COL25A1: variants seen among roughly 807,000 people sequenced by gnomAD.
COL25A1 encodes collagen type XXV alpha 1 chain, also known as collagen alpha-1(XXV) chain.
Under a neutral mutation model 128.4 loss-of-function variants are expected in COL25A1, and 103 were observed. That is an observed-to-expected ratio of 0.80 (90% CI 0.68 to 0.94). COL25A1 has a LOEUF of 0.94. Among genes scored for constraint, COL25A1 ranks in the 40% least tolerant of loss-of-function variants. COL25A1 has a pLI of 0.00. For missense variants in COL25A1, 745 were observed against 840.0 expected (o/e 0.89, Z 1.40); for synonymous variants, 279 against 277.2 (o/e 1.01, Z -0.06).
chr4:109,231,392 T>C (rs1779155784), intron 3 of COL25A1, among the ~76,000 whole-genome samples: 1 of 152,178 alleles, frequency 6.6e-6, no homozygotes, highest in African/African-American at 2.4e-5. Flanking sequence ...TTAGTTCAAC[T>C]TCCTCATTTT....
At position 108,883,249 on chromosome 4, in the gene COL25A1, G is replaced by A. The variant is rs76027490; in HGVS notation, c.1020+929C>T. On this transcript the variant is annotated intron_variant, in intron 19 of 37. Coordinates refer to ENST00000399132, the MANE Select transcript of COL25A1 (RefSeq NM_198721.4). ...TTACCATGTTGGCCAGGCTGGTTTC[G>A]AACTCCTGACCCAAATAATCCGCCC... is the stretch of plus-strand genomic sequence containing the variant. 2.6e-3 allele frequency among the ~76,000 whole-genome samples: 389 copies of A among 151,960 alleles called. 3 individuals are homozygous for A. The highest frequency in any genetic ancestry group is 8.9e-3 in the African/African-American group (369 of 41,424).
intron 3 of COL25A1, among the ~76,000 whole-genome samples, chr4:109,196,147 T>A (rs1488478935): frequency 3.3e-5 from 5 of 152,164 alleles, no homozygotes; most frequent in Admixed American, 3.3e-4. Flanking sequence ...ATGAGCCAAA[T>A]AAAGATAATG....
rs953433706 is a variant in COL25A1 at position 108,809,810 on chromosome 4, A to G, written c.*4117T>C. On this transcript the variant is annotated 3_prime_UTR_variant, in exon 38 of 38. Transcript: ENST00000399132. ...TAGCCTAAAACAATTTAGCATAATCATAATTGGTCAAGCTTGTTAATTCCA... is the reference window on the plus strand; with the variant it reads ...TAGCCTAAAACAATTTAGCATAATCGTAATTGGTCAAGCTTGTTAATTCCA... 10 of 152,006 alleles carry G rather than the reference A, an allele frequency of 6.6e-5. No individual in the cohort carries two copies. The highest frequency in any genetic ancestry group is 1.3e-4 in the Non-Finnish European group (9 of 67,894). 9.4% of individuals were successfully genotyped at this position (152,006 alleles called of 1,614,324 possible). A position where few individuals can be genotyped will look rare whatever the true frequency, so the allele number is the denominator to read the frequency against.
At chr4:109,106,654 T>C (rs1200135271) in intron 3 of COL25A1, among the ~76,000 whole-genome samples, 1 of 151,824 alleles carries the variant, frequency 6.6e-6, no homozygotes, top group East Asian at 1.9e-4. Context: ...GCAGAGAATA[T>C]TAGCTGTAAA....
intron 11 of COL25A1, among the ~76,000 whole-genome samples, chr4:108,930,133 G>A (rs1333760274): frequency 6.6e-6 from 1 of 152,036 alleles, no homozygotes; most frequent in Non-Finnish European, 1.5e-5. Flanking sequence ...GCATGTGTGA[G>A]GTTTCCTCAA....
chr4:109,110,160 A>G (rs911298404), intron 3 of COL25A1, among the ~76,000 whole-genome samples: 14 of 152,264 alleles, frequency 9.2e-5, no homozygotes, highest in Admixed American at 9.2e-4. Flanking sequence ...AAGAGCAAAT[A>G]TGGTTTCTTC....
At chr4:108,945,552 A>T (rs1748627756) in intron 8 of COL25A1, among the ~76,000 whole-genome samples, 1 of 147,082 alleles carries the variant, frequency 6.8e-6, no homozygotes, top group Non-Finnish European at 1.5e-5. Flanking sequence ...TTTGCATCTT[A>T]GAAAATTTGC....
chr4:108,972,074 A>C (rs1054870132), intron 8 of COL25A1, among the ~76,000 whole-genome samples: 14 of 152,314 alleles, frequency 9.2e-5, no homozygotes, highest in African/African-American at 3.1e-4. Flanking sequence ...GGAGTCAAAG[A>C]GTTAAAACTT....
chr4:108,972,958 C>T (rs184467605), intron 8 of COL25A1, among the ~76,000 whole-genome samples: 3 of 152,194 alleles, frequency 2.0e-5, no homozygotes, highest in Admixed American at 2.0e-4. Flanking sequence ...GCCAACACAC[C>T]TTTTTGAAAA....
rs116274777 is a variant in COL25A1 at position 109,228,701 on chromosome 4, C to T, written c.367+71882G>A. 2.7e-3 allele frequency among the ~76,000 whole-genome samples: 404 copies of T among 152,146 alleles called. 5 individuals carry two copies. Among genetic ancestry groups the T allele is most frequent in the African/African-American group, 9.1e-3 (376 of 41,514 alleles). On this transcript the variant is annotated intron_variant, in intron 3 of 37. Transcript: ENST00000399132. ...CAGAGCAGGCAAAAATGAATTTCAC[C>T]CAGGCTTTTCCTACAATATGAAAAC...
chr4:109,120,148 T>G (rs998839139), intron 3 of COL25A1, among the ~76,000 whole-genome samples: 1 of 152,022 alleles, frequency 6.6e-6, no homozygotes, highest in Non-Finnish European at 1.5e-5. Flanking sequence ...TAAAGAACAT[T>G]GACAAAAACC....
intron 6 of COL25A1, among the ~76,000 whole-genome samples, chr4:108,976,166 T>C (rs956912464): frequency 6.6e-6 from 1 of 152,214 alleles, no homozygotes; most frequent in African/African-American, 2.4e-5. Flanking sequence ...CATTTTAGTT[T>C]AGAAGCTATT....
At chr4:108,988,031 A>T (rs1753819707) in intron 6 of COL25A1, among the ~76,000 whole-genome samples, 1 of 152,210 alleles carries the variant, frequency 6.6e-6, no homozygotes, top group Admixed American at 6.5e-5. Flanking sequence ...AAAGAGGTAC[A>T]TGGGGAAACA....
At chr4:109,093,465 A>AAAAC in intron 3 of COL25A1, among the ~76,000 whole-genome samples, 1 of 133,858 alleles carries the variant, frequency 7.5e-6, no homozygotes, top group South Asian at 2.6e-4. Flanking sequence ...ATGAAAAAAA[A>AAAAC]AAAAAAAAAA....
chr4:109,107,503 C>T (rs1766557778), intron 3 of COL25A1, among the ~76,000 whole-genome samples: 1 of 152,104 alleles, frequency 6.6e-6, no homozygotes, highest in Non-Finnish European at 1.5e-5. Flanking sequence ...AAACTAACCA[C>T]TTGTCATTTA....
chr4:109,011,773 T>A (rs74640022), intron 5 of COL25A1, among the ~76,000 whole-genome samples: 3,090 of 152,318 alleles, frequency 0.02, 83 homozygotes, highest in African/African-American at 0.07. Context: ...ACATACAGAC[T>A]TGTTCAGATC....
intron 3 of COL25A1, among the ~76,000 whole-genome samples, chr4:109,186,696 T>C (rs1163998200): frequency 6.6e-6 from 1 of 152,232 alleles, no homozygotes; most frequent in African/African-American, 2.4e-5. Context: ...CAATAAAATG[T>C]AGATTTCCCC....
At chr4:109,004,277 G>C (rs1054234229) in intron 6 of COL25A1, among the ~76,000 whole-genome samples, 7 of 152,090 alleles carry the variant, frequency 4.6e-5, no homozygotes, top group African/African-American at 1.7e-4. Context: ...TTAGGAAGAC[G>C]ATCAGAACCA....
At chr4:109,266,042 A>G (rs1475911490) in intron 3 of COL25A1, among the ~76,000 whole-genome samples, 2 of 152,018 alleles carry the variant, frequency 1.3e-5, no homozygotes, top group East Asian at 3.9e-4. Flanking sequence ...AAACAGGTCG[A>G]CTCTTGAGGA....
Sources: allele counts gnomAD v4.1 joint callset (sites outside exome capture counted in the v4.1 genomes callset), GRCh38; gene constraint gnomAD v4.1.1; transcripts MANE v1.5; gene names NCBI Gene and HGNC (gene_info 2026-07-23, HGNC 2026-07-21).